The following CNBD1 variants were observed in gnomAD, a reference collection of about 807,000 sequenced individuals.
The protein encoded by CNBD1 is cyclic nucleotide-binding domain-containing protein 1.
A neutral mutation model predicts 54.4 loss-of-function variants in CNBD1; 71 were observed. The ratio of observed to expected loss-of-function variants is 1.30; its 90% CI spans 1.08 to 1.59. The LOEUF (loss-of-function observed/expected upper bound fraction) is 1.59, where lower values mean the gene tolerates loss of function less well. CNBD1 is among the 40% of genes most tolerant of loss of function. The probability of loss-of-function intolerance (pLI) is 0.00; values close to 1 mark genes in which losing one functional copy is unlikely to be tolerated. For synonymous variants in CNBD1, 182 were observed against 170.7 expected, an observed-to-expected ratio of 1.07 and a Z score of -0.51; for missense variants, 659 against 518.0, an observed-to-expected ratio of 1.27 and a Z score of -2.64.
At chr8:87,382,554 G>A (rs1811101076) in intron 10 of CNBD1, 66 bp from the exon 11 acceptor site, 1 of 1,334,684 alleles carries the variant, frequency 7.5e-7, no homozygotes, top group Admixed American at 2.0e-5. Context: ...CTATTCTGTA[G>A]GAAAATAATT....
At chr8:87,236,819 A>G (rs544094449) in intron 5 of CNBD1, 100 bp from the exon 6 acceptor site, 2 of 621,434 alleles carry the variant, frequency 3.2e-6, no homozygotes, top group Non-Finnish European at 5.3e-6. Context: ...CACTGAAAGA[A>G]ATACGTTGAA....
intron 4 of CNBD1, among the ~76,000 whole-genome samples, chr8:87,058,491 C>T (rs1419718271): frequency 2.0e-5 from 3 of 152,212 alleles, no homozygotes; most frequent in Non-Finnish European, 4.4e-5. Flanking sequence ...TCCACCTCTG[C>T]AGCATAATTC....
chr8:87,247,752 T>A (rs554059587), intron 6 of CNBD1, among the ~76,000 whole-genome samples: 62 of 152,318 alleles, frequency 4.1e-4, no homozygotes, highest in African/African-American at 1.4e-3. Flanking sequence ...CATTTCCTCA[T>A]AGAGTTACGT....
intron 4 of CNBD1, among the ~76,000 whole-genome samples, chr8:87,176,060 G>A (rs1200325566): frequency 1.3e-5 from 2 of 152,238 alleles, no homozygotes; most frequent in Non-Finnish European, 2.9e-5. Flanking sequence ...CAAGTGCAGT[G>A]ATGCCACGTG....
intron 8 of CNBD1, among the ~76,000 whole-genome samples, chr8:87,328,445 T>G (rs939866500): frequency 6.6e-6 from 1 of 151,962 alleles, no homozygotes; most frequent in Non-Finnish European, 1.5e-5. Flanking sequence ...TGTGTTTAAT[T>G]TTTTTTCTGG....
At chr8:86,895,558 T>A (rs1808837230) in intron 2 of CNBD1, among the ~76,000 whole-genome samples, 1 of 152,234 alleles carries the variant, frequency 6.6e-6, no homozygotes, top group African/African-American at 2.4e-5. Context: ...TACCATTTTG[T>A]ATTCCCACCC....
At chr8:87,314,950 T>A (rs1809351416) in intron 8 of CNBD1, among the ~76,000 whole-genome samples, 1 of 152,088 alleles carries the variant, frequency 6.6e-6, no homozygotes, top group Non-Finnish European at 1.5e-5. Context: ...ATCACTAAAT[T>A]CATTAGCCCA....
chr8:87,338,709 T>A (rs1256284536), intron 8 of CNBD1, among the ~76,000 whole-genome samples: 1 of 152,112 alleles, frequency 6.6e-6, no homozygotes, highest in Non-Finnish European at 1.5e-5. Context: ...TTTGCAGCTA[T>A]CTTGTTTGGT....
intron 4 of CNBD1, among the ~76,000 whole-genome samples, chr8:87,059,502 C>T (rs961776177): frequency 6.6e-6 from 1 of 152,192 alleles, no homozygotes; most frequent in Non-Finnish European, 1.5e-5. Context: ...ACTCACAGTT[C>T]TGCAGAGCTG....
At chr8:87,351,997 T>A (rs1810307262) in intron 9 of CNBD1, among the ~76,000 whole-genome samples, 1 of 152,210 alleles carries the variant, frequency 6.6e-6, no homozygotes, top group South Asian at 2.1e-4. Context: ...TTGTAAGATA[T>A]ACAAATGATC....
At chr8:86,901,293 A>G (rs551259966) in intron 2 of CNBD1, among the ~76,000 whole-genome samples, 2 of 152,146 alleles carry the variant, frequency 1.3e-5, no homozygotes, top group Non-Finnish European at 1.5e-5. Flanking sequence ...AATTTTCATC[A>G]AATACATGTG....
At chr8:87,066,157 A>G (rs373302806) in intron 4 of CNBD1, among the ~76,000 whole-genome samples, 8 of 151,990 alleles carry the variant, frequency 5.3e-5, no homozygotes, top group African/African-American at 1.9e-4. Flanking sequence ...TCAGAATGCC[A>G]GTGTATCAAT....
intron 2 of CNBD1, among the ~76,000 whole-genome samples, chr8:87,400,995 G>A (rs2130977235): frequency 6.6e-6 from 1 of 152,086 alleles, no homozygotes; most frequent in East Asian, 1.9e-4. Context: ...CTTTGGGATT[G>A]AGGCTAAAGG....
intron 8 of CNBD1, among the ~76,000 whole-genome samples, chr8:87,329,718 G>A (rs763131771): frequency 1.6e-4 from 25 of 151,962 alleles, no homozygotes; most frequent in Middle Eastern, 3.6e-3. Flanking sequence ...CTAGTATATA[G>A]GGAAGAATTG....
intron 4 of CNBD1, among the ~76,000 whole-genome samples, chr8:87,105,479 G>A (rs974037454): frequency 2.0e-5 from 3 of 152,124 alleles, no homozygotes; most frequent in South Asian, 4.1e-4. Flanking sequence ...AAGCTTTGTG[G>A]CACTTTCTTC....
chr8:86,900,585 C>G (rs1172705775), intron 2 of CNBD1, among the ~76,000 whole-genome samples: 2 of 152,020 alleles, frequency 1.3e-5, no homozygotes, highest in Non-Finnish European at 2.9e-5. Context: ...TTTTACTTGC[C>G]TAATAGACTA....
chr8:87,062,736 G>GA (rs34209251), intron 4 of CNBD1, among the ~76,000 whole-genome samples: 5,089 of 140,210 alleles, frequency 0.036, 125 homozygotes, highest in African/African-American at 0.064. Flanking sequence ...AACTCCATCT[G>GA]AAAAAAAAAA....
At chr8:87,161,574 C>T (rs1380360179) in intron 4 of CNBD1, among the ~76,000 whole-genome samples, 1 of 152,024 alleles carries the variant, frequency 6.6e-6, no homozygotes, top group Non-Finnish European at 1.5e-5. Flanking sequence ...ATTAAGTACA[C>T]ATAAAATCAG....
rs140662002 is a variant in CNBD1, at chr8:87,160,462, C to T, written c.432-45531C>T. ...GGTATATAGAAATTCTCTATGACTTCGTTTGTTTCAGAGTAGCATTTGACA... is the reference window on the plus strand; with the variant it reads ...GGTATATAGAAATTCTCTATGACTTTGTTTGTTTCAGAGTAGCATTTGACA... On this transcript the variant is annotated intron_variant, in intron 4 of 10. Coordinates refer to ENST00000518476, the MANE Select transcript of CNBD1 (RefSeq NM_173538.3). Among the ~76,000 whole-genome samples the T allele has an allele frequency of 3.9e-3, 596 of 152,114 alleles. 2 individuals carry two copies. The highest frequency in any genetic ancestry group is 0.014 in the African/African-American group (563 of 41,538).
Sources: allele counts gnomAD v4.1 joint callset (sites outside exome capture counted in the v4.1 genomes callset), GRCh38; gene constraint gnomAD v4.1.1; transcripts MANE v1.5; gene names NCBI Gene and HGNC (gene_info 2026-07-23, HGNC 2026-07-21).